DPP6: variants seen among roughly 807,000 people sequenced by gnomAD.
DPP6 encodes the protein A-type potassium channel modulatory protein DPP6.
A neutral mutation model predicts 122.6 loss-of-function variants in DPP6; 69 were observed. That is an observed-to-expected ratio of 0.56 (90% CI 0.46 to 0.69). The LOEUF is 0.69. DPP6 is among the 30% of genes least tolerant of loss of function. The probability of loss-of-function intolerance (pLI) is 0.00; values close to 1 mark genes in which losing one functional copy is unlikely to be tolerated. For missense variants in DPP6, 928 were observed against 1,116.9 expected, an observed-to-expected ratio of 0.83 and a Z score of 2.41; for synonymous variants, 418 against 433.1, an observed-to-expected ratio of 0.97 and a Z score of 0.43.
intron 1 of DPP6, chr7:154,055,498 G>T (rs1800752184): frequency 1.8e-5 from 2 of 109,092 alleles, no homozygotes; most frequent in African/African-American, 6.7e-5. Flanking sequence ...CTGCTTTTTA[G>T]GTACAGATAC....
chr7:154,587,426 C>A, intron 5 of DPP6: 1 of 597,604 alleles, frequency 1.7e-6, no homozygotes, highest in Non-Finnish European at 2.9e-6. Flanking sequence ...TTCCACCTGT[C>A]CTTCCCTCCT....
intron 1 of DPP6, among the ~76,000 whole-genome samples, chr7:153,948,597 C>T (rs1310635785): frequency 1.4e-5 from 2 of 140,154 alleles, no homozygotes; most frequent in East Asian, 2.6e-4. Context: ...ATTTTCTTCT[C>T]TACCTTCCTC....
chr7:154,381,293 C>T lies in DPP6; in HGVS notation c.244-64921C>T, dbSNP rs542330654. Reference sequence around the variant, plus strand: ...TCGCCTTAGGGGGTGCCTTTTACTCCGTTGTGTACAAAGCATTTTGAAGGA... The same window carrying T: ...TCGCCTTAGGGGGTGCCTTTTACTCTGTTGTGTACAAAGCATTTTGAAGGA... On this transcript the variant is annotated intron_variant, in intron 1 of 25. Transcript: ENST00000377770. Among the ~76,000 whole-genome samples the T allele has an allele frequency of 1.8e-4, 28 of 152,272 alleles. 1 individual carries two copies. The South Asian group carries it at 4.4e-3, about 24-fold the overall frequency.
At chr7:154,411,734 A>G (rs1816619270) in intron 1 of DPP6, among the ~76,000 whole-genome samples, 1 of 152,148 alleles carries the variant, frequency 6.6e-6, no homozygotes. Flanking sequence ...TTTTGTTTAT[A>G]GGCCGTTATT....
chr7:154,029,564 A>T (rs3980032), intron 1 of DPP6, among the ~76,000 whole-genome samples: 1 of 147,966 alleles, frequency 6.8e-6, no homozygotes, highest in East Asian at 2.1e-4. Flanking sequence ...TAGCAATTTT[A>T]TGCTGGGCAT....
chr7:154,871,200 G>A (rs1408337064), intron 18 of DPP6, among the ~76,000 whole-genome samples: 1 of 152,164 alleles, frequency 6.6e-6, no homozygotes, highest in Admixed American at 6.5e-5. Flanking sequence ...CAGCACTGGT[G>A]TGTGACTGTC....
chr7:154,446,992 AG>A (rs1350311086), intron 2 of DPP6, among the ~76,000 whole-genome samples: 3 of 152,194 alleles, frequency 2.0e-5, no homozygotes, highest in Non-Finnish European at 2.9e-5. Flanking sequence ...TAGGGAGAGA[AG>A]AAAGCCTTTG....
chr7:154,163,385 T>C (rs1797077122), intron 1 of DPP6, among the ~76,000 whole-genome samples: 1 of 152,246 alleles, frequency 6.6e-6, no homozygotes, highest in African/African-American at 2.4e-5. Flanking sequence ...CATGGCTTTT[T>C]GTTGTAATTG....
chr7:153,822,611 G>A, the DPP6 span, among the ~76,000 whole-genome samples: 3 of 152,236 alleles, frequency 2.0e-5, no homozygotes, highest in East Asian at 5.8e-4. Flanking sequence ...TGTGGAGATG[G>A]TATGATTATT....
At chr7:154,852,395 G>C (rs6971718) in intron 16 of DPP6, among the ~76,000 whole-genome samples, 31,759 of 151,840 alleles carry the variant, frequency 0.21, 3,806 homozygotes, top group African/African-American at 0.34. Context: ...CTGTCTCCCT[G>C]GGACCACCCA....
At chr7:153,864,669 TAATAC>T in the DPP6 span, among the ~76,000 whole-genome samples, 6 of 96,152 alleles carry the variant, frequency 6.2e-5, no homozygotes, top group African/African-American at 1.2e-4. Flanking sequence ...AAAATAATAA[TAATAC>T]ACACACACAC....
At chr7:154,253,062 T>G (rs1802447064) in intron 1 of DPP6, among the ~76,000 whole-genome samples, 1 of 152,238 alleles carries the variant, frequency 6.6e-6, no homozygotes, top group Admixed American at 6.5e-5. Context: ...AAACATTCTG[T>G]GCAGAGTAAA....
chr7:154,545,890 A>G (rs969936578), intron 4 of DPP6, among the ~76,000 whole-genome samples: 2 of 152,200 alleles, frequency 1.3e-5, no homozygotes, highest in Admixed American at 6.5e-5. Flanking sequence ...TTTATTGACA[A>G]TGCTATCAGT....
At chr7:154,410,051 T>C (rs1407726530) in intron 1 of DPP6, among the ~76,000 whole-genome samples, 2 of 152,242 alleles carry the variant, frequency 1.3e-5, no homozygotes, top group Non-Finnish European at 2.9e-5. Flanking sequence ...AAGGAAGATA[T>C]ATTACATGAG....
chr7:154,800,482 C>T (rs1013275705), intron 12 of DPP6, among the ~76,000 whole-genome samples: 5 of 152,214 alleles, frequency 3.3e-5, no homozygotes, highest in Non-Finnish European at 7.3e-5. Context: ...GCCAAGGTAC[C>T]GCGGTAGCAA....
chr7:154,678,942 C>T (rs1472813080), intron 7 of DPP6, among the ~76,000 whole-genome samples: 1 of 152,162 alleles, frequency 6.6e-6, no homozygotes, highest in South Asian at 2.1e-4. Flanking sequence ...GTGTAAATAA[C>T]GTTCTCAATA....
At chr7:154,368,793 A>ATTTTT (rs1812399671) in intron 1 of DPP6, among the ~76,000 whole-genome samples, 1 of 152,378 alleles carries the variant, frequency 6.6e-6, no homozygotes, top group Non-Finnish European at 1.5e-5. Context: ...TAACAAGAAC[A>ATTTTT]GTTTTTATAT....
intron 6 of DPP6, among the ~76,000 whole-genome samples, chr7:154,668,550 C>T (rs13227549): frequency 0.46 from 69,262 of 151,554 alleles, 17,158 homozygotes; most frequent in Non-Finnish European, 0.56. Context: ...AGTGATAGGG[C>T]GCTTACCTGA....
chr7:154,691,123 A>G (rs1248755987), intron 7 of DPP6, among the ~76,000 whole-genome samples: 5 of 152,172 alleles, frequency 3.3e-5, no homozygotes, highest in Admixed American at 1.3e-4. Context: ...TCTCCATACA[A>G]TGTACGGGGA....
Sources: allele counts gnomAD v4.1 joint callset (sites outside exome capture counted in the v4.1 genomes callset), GRCh38; gene constraint gnomAD v4.1.1; transcripts MANE v1.5; gene names NCBI Gene and HGNC (gene_info 2026-07-23, HGNC 2026-07-21).